AP5S1: variants seen among roughly 807,000 people sequenced by gnomAD.
AP5S1 encodes AP-5 complex subunit sigma-1.
Under a neutral mutation model 13.9 loss-of-function variants are expected in AP5S1, and 13 were observed. The ratio of observed to expected loss-of-function variants is 0.94; its 90% CI spans 0.61 to 1.49. The LOEUF (loss-of-function observed/expected upper bound fraction) is 1.49, where lower values mean the gene tolerates loss of function less well. AP5S1 is among the 40% of genes most tolerant of loss of function. The probability of loss-of-function intolerance (pLI) is 0.00; values close to 1 mark genes in which losing one functional copy is unlikely to be tolerated. For missense variants in AP5S1, 292 were observed against 272.3 expected (o/e 1.07, Z -0.51); for synonymous variants, 132 against 121.8 (o/e 1.08, Z -0.55).
rs948676025 is a variant in AP5S1 at position 3,824,627 on chromosome 20, CTCT to C, written c.*336_*338del. ...GAGGAGCTGCCTGGAGCTCACCCCG[CTCT>C]TCTTCCAAACCCACAGTCAAGGCCA... On this transcript the variant is annotated 3_prime_UTR_variant, in exon 3 of 3. Coordinates refer to ENST00000615891, the MANE Select transcript of AP5S1 (RefSeq NM_018347.3). The C allele has an allele frequency of 6.2e-6, 2 of 322,970 alleles. No homozygotes were observed. Among genetic ancestry groups the C allele is most frequent in the African/African-American group, 4.2e-5 (2 of 47,086 alleles). 20.0% of individuals were successfully genotyped at this position (322,970 alleles called of 1,614,324 possible).
chr20:3,826,491 T>C lies in AP5S1; in HGVS notation c.*2194T>C, dbSNP rs1437709413. The C allele has an allele frequency of 6.6e-6, 1 of 152,186 alleles. No homozygotes were observed. The highest frequency in any genetic ancestry group is 1.5e-5 in the Non-Finnish European group (1 of 68,038). 9.4% of individuals were successfully genotyped at this position (152,186 alleles called of 1,614,324 possible). A position where few individuals can be genotyped will look rare whatever the true frequency, so the allele number is the denominator to read the frequency against. On this transcript the variant is annotated 3_prime_UTR_variant, in exon 3 of 3. Transcript: ENST00000615891. ...AAGGCTCAAGCTTACTGATCTGAAT[T>C]CTTTCTGCCTTTTTTTCAAACGGAA...
rs1449522372 is a variant in AP5S1 at position 3,822,267 on chromosome 20, G to C, written c.150G>C (p.Arg50=). 6.2e-7 allele frequency: 1 copy of C among 1,614,020 alleles called. No individual in the cohort carries two copies. Among genetic ancestry groups the C allele is most frequent in the Admixed American group, 1.7e-5 (1 of 60,002 alleles). ...PHGAERDRLL[R]KEQILAVARQ... is the part of the protein sequence containing the mutation. ...GTGCCGAGAGGGACAGGCTTCTCCG[G>C]AAGGAACAGATTTTAGCTGTGGCCA... is the stretch of plus-strand genomic sequence containing the variant. Residue 50 remains arginine, a synonymous_variant, in exon 2 of 3, where the codon CGG becomes CGC. Coordinates refer to ENST00000615891, the MANE Select transcript of AP5S1 (RefSeq NM_018347.3).
chr20:3,826,126 A>G lies in AP5S1; in HGVS notation c.*1829A>G, dbSNP rs536830432. On this transcript the variant is annotated 3_prime_UTR_variant, in exon 3 of 3. Coordinates refer to ENST00000615891, the MANE Select transcript of AP5S1 (RefSeq NM_018347.3). ...CCCTTTAGCATCCAGGATGGACCCA[A>G]CTACACCCACTTTGGAGGCAGCACT... 2 of 152,224 alleles carry G rather than the reference A, an allele frequency of 1.3e-5. No homozygotes were observed. The highest frequency in any genetic ancestry group is 3.9e-4 in the East Asian group (2 of 5,180). 9.4% of individuals were successfully genotyped at this position (152,224 alleles called of 1,614,324 possible).
Position 3,824,540 on chromosome 20 carries a change from G to A in AP5S1, c.*243G>A, listed in dbSNP as rs747962222. The A allele has an allele frequency of 2.0e-5, 11 of 550,494 alleles. No individual in the cohort carries two copies. The highest frequency in any genetic ancestry group is 3.3e-5 in the Admixed American group (1 of 30,490). The allele number at this position is 550,494 out of a possible 1,614,324, so 34.1% of individuals were successfully genotyped here. On this transcript the variant is annotated 3_prime_UTR_variant, in exon 3 of 3. Transcript: ENST00000615891. ...TGTGTTACTTAGACCGCTGCCGTGC[G>A]GCAGCCACGCTTGTCCTTGAACCCA...
At position 3,823,916 on chromosome 20, in the gene AP5S1, GC is replaced by G; in HGVS notation, c.228del (p.Met77TrpfsTer44). 1.2e-6 allele frequency: 2 copies of G among 1,603,568 alleles called. No homozygotes were observed. On this transcript the variant is annotated frameshift_variant, in exon 3 of 3. Coordinates refer to ENST00000615891, the MANE Select transcript of AP5S1 (RefSeq NM_018347.3). LOFTEE classifies it high-confidence loss of function. ...GGCTGCAGCAGCAGGCATCTGGCCG[GC>G]CCCCCATGGACCTGCAGCCGCAATC... ...CRLQQQASGR[P>X]PMDLQPQSSD... is the part of the protein sequence containing the mutation.
intron 2 of AP5S1, 65 bp from the exon 3 acceptor site, chr20:3,823,806 G>C (rs1368659623): frequency 6.5e-7 from 1 of 1,549,176 alleles, no homozygotes; most frequent in Non-Finnish European, 8.7e-7. Flanking sequence ...CAGCACCAGG[G>C]TTGATCATGA....
In AP5S1 at chr20:3,828,190, G is replaced by A. The variant is rs906165494; in HGVS notation, c.*3893G>A. On this transcript the variant is annotated 3_prime_UTR_variant, in exon 3 of 3. Transcript: ENST00000615891. Reference sequence around the variant, plus strand: ...GTTTATTACTGCAATTCAAGTGGCCGTGACCGTTTTCTTAAATATACTTTA... The same window carrying A: ...GTTTATTACTGCAATTCAAGTGGCCATGACCGTTTTCTTAAATATACTTTA... 2.6e-5 allele frequency: 4 copies of A among 152,180 alleles called. No homozygotes were observed. Among genetic ancestry groups the A allele is most frequent in the Non-Finnish European group, 4.4e-5 (3 of 68,046 alleles). 9.4% of individuals were successfully genotyped at this position (152,180 alleles called of 1,614,324 possible).
intron 2 of AP5S1, chr20:3,823,503 G>T (rs545656982): frequency 1.0e-6 from 1 of 975,984 alleles, no homozygotes; most frequent in Non-Finnish European, 1.2e-6. Context: ...CGCCCGCCTC[G>T]GCCTCCCAAA....
intron 2 of AP5S1, chr20:3,823,592 A>G: frequency 1.0e-6 from 1 of 985,354 alleles, no homozygotes; most frequent in Non-Finnish European, 1.2e-6. Context: ...GCCTCTGTGA[A>G]GCAGGTGAGG....
intron 1 of AP5S1, among the ~76,000 whole-genome samples, chr20:3,821,459 C>T (rs2089580636): frequency 6.6e-6 from 1 of 151,984 alleles, no homozygotes; most frequent in Non-Finnish European, 1.5e-5. Context: ...TGCAGCCTCC[C>T]CTCCCGGGTT....
Position 3,827,703 on chromosome 20 carries a change from C to T in AP5S1, c.*3406C>T, listed in dbSNP as rs1360489146. On this transcript the variant is annotated 3_prime_UTR_variant, in exon 3 of 3. Coordinates refer to ENST00000615891, the MANE Select transcript of AP5S1 (RefSeq NM_018347.3). Reference sequence around the variant, plus strand: ...TTTAGGGCAGGGTGTTTTTTTCTAGCCCTGTGGTGCTGCGCACTGTCCAGC... The same window carrying T: ...TTTAGGGCAGGGTGTTTTTTTCTAGTCCTGTGGTGCTGCGCACTGTCCAGC... 3 of 152,028 alleles carry T rather than the reference C, an allele frequency of 2.0e-5. No homozygotes were observed. Among genetic ancestry groups the T allele is most frequent in the Admixed American group, 6.6e-5 (1 of 15,242 alleles). The allele number at this position is 152,028 out of a possible 1,614,324, so 9.4% of individuals were successfully genotyped here.
intron 1 of AP5S1, 155 bp from the exon 2 acceptor site, chr20:3,821,947 G>C: frequency 1.0e-5 from 10 of 977,480 alleles, no homozygotes; most frequent in Non-Finnish European, 1.2e-5. Context: ...ACTGGATTCT[G>C]TTATGTGATG....
Position 3,823,873 on chromosome 20 carries a change from A to C in AP5S1, c.179A>C (p.Gln60Pro). 1 of 1,598,298 alleles carries C rather than the reference A, an allele frequency of 6.3e-7. No individual in the cohort carries two copies. The highest frequency in any genetic ancestry group is 8.5e-7 in the Non-Finnish European group (1 of 1,177,054). The change falls in exon 3 of 3, where the codon CAG becomes CCG. Residue 60 changes from glutamine to proline, a missense_variant and splice_region_variant. Physicochemically the swap from Gln to Pro is moderately conservative, Grantham distance 76 (BLOSUM62 -1). Transcript: ENST00000615891. ...CCTGACCTGCCCACTCTCCCCAGGC[A>C]GGTAGAGTCAATGTGTCGGCTGCAG... is the stretch of plus-strand genomic sequence containing the variant. ...RKEQILAVAR[Q>P]VESMCRLQQQ...
chr20:3,828,376 C>G lies in AP5S1; in HGVS notation c.*4079C>G, dbSNP rs545853191. On this transcript the variant is annotated 3_prime_UTR_variant, in exon 3 of 3. Transcript: ENST00000615891. ...CTGATGGACCTTCATTGACACGTCA[C>G]TATCACCAGAGTCCATAGTTTACAT... 1.3e-5 allele frequency: 2 copies of G among 152,326 alleles called. No homozygotes were observed. Among genetic ancestry groups the G allele is most frequent in the East Asian group, 3.9e-4 (2 of 5,194 alleles). The allele number at this position is 152,326 out of a possible 1,614,324, so 9.4% of individuals were successfully genotyped here. A position where few individuals can be genotyped will look rare whatever the true frequency, so the allele number is the denominator to read the frequency against.
Position 3,824,177 on chromosome 20 carries a change from G to A in AP5S1, c.483G>A (p.Leu161=), listed in dbSNP as rs1411100650. ...RLLAPSTSLL[L]RADRIEGILT... is the part of the protein sequence containing the mutation. ...TGGCGCCCAGCACCAGCCTTCTGCT[G>A]CGGGCTGACCGCATTGAGGGCATCC... Residue 161 remains leucine (L), a synonymous_variant, in exon 3 of 3, where the codon CTG becomes CTA. Coordinates refer to ENST00000615891, the MANE Select transcript of AP5S1 (RefSeq NM_018347.3). 2 of 1,614,130 alleles carry A rather than the reference G, an allele frequency of 1.2e-6. No homozygotes were observed. The highest frequency in any genetic ancestry group is 1.1e-5 in the South Asian group (1 of 91,092).
rs894441909 is a variant in AP5S1, at chr20:3,823,939, A to G, written c.245A>G (p.Gln82Arg). 2.5e-6 allele frequency: 4 copies of G among 1,607,140 alleles called. No homozygotes were observed. Among genetic ancestry groups the G allele is most frequent in the Non-Finnish European group, 3.4e-6 (4 of 1,179,978 alleles). ...CGGCCCCCCATGGACCTGCAGCCGC[A>G]ATCCTCAGATGAGCAAGTGCCGCTG... ...SGRPPMDLQP[Q>R]SSDEQVPLHE... is the part of the protein sequence containing the mutation. Residue 82 changes from glutamine (Q) to arginine (R), a missense_variant, in exon 3 of 3, where the codon CAA becomes CGA. Coordinates refer to ENST00000615891, the MANE Select transcript of AP5S1 (RefSeq NM_018347.3).
chr20:3,822,294 G>A lies in AP5S1; in HGVS notation c.176+1G>A. 4.3e-6 allele frequency: 7 copies of A among 1,613,830 alleles called. No individual in the cohort carries two copies. The highest frequency in any genetic ancestry group is 4.2e-6 in the Non-Finnish European group (5 of 1,179,888). ...AGGAACAGATTTTAGCTGTGGCCAGGTAACCACACAGCCCAGCCCCAGGCC... is the reference window on the plus strand; with the variant it reads ...AGGAACAGATTTTAGCTGTGGCCAGATAACCACACAGCCCAGCCCCAGGCC... On this transcript the variant is annotated splice_donor_variant, in intron 2 of 2. Transcript: ENST00000615891. LOFTEE classifies it high-confidence loss of function.
chr20:3,821,780 G>A (rs78554707), intron 1 of AP5S1: 2 of 407,244 alleles, frequency 4.9e-6, no homozygotes, highest in Non-Finnish European at 6.6e-6. Flanking sequence ...TTCCATGACC[G>A]CATGACCTTG....
At position 3,822,215 on chromosome 20, in the gene AP5S1, A is replaced by G; in HGVS notation, c.98A>G (p.Lys33Arg). Residue 33 changes from lysine to arginine, a missense_variant, in exon 2 of 3, where the codon AAG becomes AGG. By Grantham distance (26) the Lys-to-Arg change is conservative. Coordinates refer to ENST00000615891, the MANE Select transcript of AP5S1 (RefSeq NM_018347.3). ...TACTCCTGCGTCTTCGGTGCTGAGA[A>G]GTCACCTGATGACCCACGGCCGCAT... ...VLYSCVFGAEKSPDDPRPHGA... is the reference protein window; with the variant it reads ...VLYSCVFGAERSPDDPRPHGA... 1 of 1,614,176 alleles carries G rather than the reference A, an allele frequency of 6.2e-7. No individual in the cohort carries two copies. Among genetic ancestry groups the G allele is most frequent in the Non-Finnish European group, 8.5e-7 (1 of 1,180,030 alleles).
Sources: gnomAD v4.1 joint callset for allele counts (sites outside exome capture counted in the v4.1 genomes callset) on GRCh38, gnomAD v4.1.1 for gene constraint, MANE v1.5 for transcripts, NCBI Gene and HGNC (gene_info 2026-07-23, HGNC 2026-07-21) for gene names.